The following SAMMSON variants were observed in gnomAD, a reference collection of about 807,000 sequenced individuals.
SAMMSON encodes survival associated mitochondrial melanoma specific oncogenic non-coding RNA, also known as long intergenic non-protein coding RNA 1212.
At chr3:70,349,156 C>T (rs1230354016) in intron 7 of SAMMSON, among the ~76,000 whole-genome samples, 2 of 152,034 alleles carry the variant, frequency 1.3e-5, no homozygotes, top group African/African-American at 4.8e-5. Flanking sequence ...GGGAGGATCA[C>T]CCAAGGTCGG....
chr3:70,190,803 A>AT (rs1701126602), intron 4 of SAMMSON, among the ~76,000 whole-genome samples: 1 of 152,148 alleles, frequency 6.6e-6, no homozygotes, highest in Non-Finnish European at 1.5e-5. Flanking sequence ...TTAGAATACC[A>AT]TCTTCACCTC....
chr3:70,309,802 A>T (rs921223857), intron 7 of SAMMSON, among the ~76,000 whole-genome samples: 3 of 152,204 alleles, frequency 2.0e-5, no homozygotes, highest in African/African-American at 7.2e-5. Flanking sequence ...ATTCGAGTGT[A>T]GCTTAAATGA....
chr3:70,371,721 AAG>A (rs1269154464), intron 9 of SAMMSON, among the ~76,000 whole-genome samples: 2 of 152,128 alleles, frequency 1.3e-5, no homozygotes, highest in African/African-American at 2.4e-5. Flanking sequence ...TATCAAATCT[AAG>A]AGTTTCTTCG....
intron 2 of SAMMSON, among the ~76,000 whole-genome samples, chr3:70,432,327 T>G (rs1265844944): frequency 6.6e-6 from 1 of 151,846 alleles, no homozygotes; most frequent in Non-Finnish European, 1.5e-5. Flanking sequence ...TCCTCCATGT[T>G]TATTAGGCCA....
chr3:70,221,907 T>A (rs1379072233), intron 4 of SAMMSON, among the ~76,000 whole-genome samples: 1 of 152,226 alleles, frequency 6.6e-6, no homozygotes, highest in Non-Finnish European at 1.5e-5. Context: ...ACCCAATAGA[T>A]AATGAGTGTT....
chr3:70,281,761 C>A (rs183939911), intron 6 of SAMMSON, among the ~76,000 whole-genome samples: 29 of 152,162 alleles, frequency 1.9e-4, no homozygotes, highest in African/African-American at 7.0e-4. Context: ...CCATCCTCTG[C>A]AAAGCTTTCT....
At chr3:70,295,802 A>G (rs1003295340) in intron 7 of SAMMSON, among the ~76,000 whole-genome samples, 3 of 152,188 alleles carry the variant, frequency 2.0e-5, no homozygotes, top group Admixed American at 6.5e-5. Context: ...TTAGGCAAAG[A>G]TGTTGCATTT....
At chr3:70,289,252 C>T (rs1393554887) in intron 6 of SAMMSON, among the ~76,000 whole-genome samples, 4 of 150,124 alleles carry the variant, frequency 2.7e-5, no homozygotes, top group African/African-American at 7.4e-5. Flanking sequence ...TAGGGCAGGC[C>T]TGGTGGTGAC....
In SAMMSON at chr3:70,036,780, T is replaced by C. The variant is rs964558308; in HGVS notation, n.417+23108T>C. On this transcript the variant is annotated intron_variant and non_coding_transcript_variant, in intron 3 of 9. Transcript: ENST00000642114. ...AGGAACCAGGATTACTCTTTAACTT[T>C]TCAGGAACATAAGCTCTTTCTGCTT... is the stretch of plus-strand genomic sequence containing the variant. Among the ~76,000 whole-genome samples the C allele has an allele frequency of 3.9e-5, 6 of 151,990 alleles. No homozygotes were observed. The East Asian group carries it at 1.2e-3, about 29-fold the overall frequency.
At chr3:70,312,676 C>T (rs970010456) in intron 7 of SAMMSON, 1 of 152,126 alleles carries the variant, frequency 6.6e-6, no homozygotes, top group South Asian at 2.1e-4. Flanking sequence ...AATACACTCC[C>T]TCCCGGGGTG....
Position 70,035,610 on chromosome 3 carries a change from C to T in SAMMSON, n.417+21938C>T, listed in dbSNP as rs1431635674. On this transcript the variant is annotated intron_variant and non_coding_transcript_variant, in intron 3 of 9. Coordinates refer to ENST00000642114, the Ensembl canonical transcript of SAMMSON. ...TGTTAGTCCCTACTGACTAGACCAT[C>T]ACAGCCTTTTAGCCGAACCCTCCGC... Among the ~76,000 whole-genome samples, 13 of 152,296 alleles carry T rather than the reference C, an allele frequency of 8.5e-5. No homozygotes were observed. In the East Asian group the frequency reaches 2.5e-3, roughly 29 times the overall value.
At chr3:70,403,748 A>C (rs1406517918) in intron 2 of SAMMSON, among the ~76,000 whole-genome samples, 1 of 152,190 alleles carries the variant, frequency 6.6e-6, no homozygotes, top group Non-Finnish European at 1.5e-5. Context: ...ATAGGATACT[A>C]AATGTCCTCA....
intron 4 of SAMMSON, among the ~76,000 whole-genome samples, chr3:70,170,809 G>A (rs1335147650): frequency 1.3e-5 from 2 of 151,870 alleles, no homozygotes. Flanking sequence ...AAATTAGCGA[G>A]TGCAGAGATG....
At chr3:70,380,035 CA>C (rs2106751237) in intron 9 of SAMMSON, among the ~76,000 whole-genome samples, 1 of 150,662 alleles carries the variant, frequency 6.6e-6, no homozygotes, top group Non-Finnish European at 1.5e-5. Flanking sequence ...AAGTTAAAGC[CA>C]AAATGAAAAA....
At chr3:70,205,604 A>G (rs1701282275) in intron 4 of SAMMSON, 1 of 152,112 alleles carries the variant, frequency 6.6e-6, no homozygotes, top group African/African-American at 2.4e-5. Flanking sequence ...CTATCATATA[A>G]TCAGAGACTA....
rs141693861 is a variant in SAMMSON, at chr3:70,260,267, C to T, written n.674+10597C>T. Among the ~76,000 whole-genome samples, 7 of 152,244 alleles carry T rather than the reference C, an allele frequency of 4.6e-5. No individual in the cohort carries two copies. The East Asian group carries it at 1.4e-3, about 29-fold the overall frequency. On this transcript the variant is annotated intron_variant and non_coding_transcript_variant, in intron 6 of 9. Coordinates refer to ENST00000642114, the Ensembl canonical transcript of SAMMSON. ...TCCAATCTCTGCCTTTGTCATCGTA[C>T]GGCATTTCCCCTGTGTGTGTCTGTG...
intron 4 of SAMMSON, among the ~76,000 whole-genome samples, chr3:70,080,639 A>T (rs2067264592): frequency 6.6e-6 from 1 of 151,186 alleles, no homozygotes; most frequent in South Asian, 2.1e-4. Context: ...TACTGGCTAC[A>T]GCATTCTAAA....
At chr3:70,063,994 T>G (rs2067200486) in intron 3 of SAMMSON, among the ~76,000 whole-genome samples, 1 of 152,146 alleles carries the variant, frequency 6.6e-6, no homozygotes, top group African/African-American at 2.4e-5. Flanking sequence ...CCTATTGCAC[T>G]TCTTGTCTGG....
At chr3:70,405,306 T>G (rs1575642575) in intron 2 of SAMMSON, among the ~76,000 whole-genome samples, 1 of 152,078 alleles carries the variant, frequency 6.6e-6, no homozygotes, top group East Asian at 1.9e-4. Context: ...AAATAAATTA[T>G]CAACACTTTT....
Sources: gnomAD v4.1 joint callset for allele counts (sites outside exome capture counted in the v4.1 genomes callset) on GRCh38, gnomAD v4.1.1 for gene constraint, MANE v1.5 for transcripts, NCBI Gene and HGNC (gene_info 2026-07-23, HGNC 2026-07-21) for gene names.